Variants in NDFIP2 observed in about 807,000 individuals in gnomAD.
NDFIP2 encodes the protein NEDD4 family-interacting protein 2.
A neutral mutation model predicts 36.0 loss-of-function variants in NDFIP2; 19 were observed. That is an observed-to-expected ratio of 0.53 (90% CI 0.37 to 0.77). The LOEUF is 0.77. Among genes scored for constraint, NDFIP2 ranks in the 30% least tolerant of loss-of-function variants. The pLI, the probability that NDFIP2 is intolerant of heterozygous loss-of-function variation, is 0.00. For synonymous variants in NDFIP2, 181 were observed against 167.7 expected, an observed-to-expected ratio of 1.08 and a Z score of -0.61; for missense variants, 446 against 435.8, an observed-to-expected ratio of 1.02 and a Z score of -0.21.
At chr13:79,493,015 A>C (rs958291808) in intron 1 of NDFIP2, among the ~76,000 whole-genome samples, 1 of 151,840 alleles carries the variant, frequency 6.6e-6, no homozygotes, top group Non-Finnish European at 1.5e-5. Flanking sequence ...CTTTACTTTC[A>C]AGTTCTGCGT....
chr13:79,534,823 A>G (rs1286762838), intron 3 of NDFIP2, among the ~76,000 whole-genome samples: 2 of 152,196 alleles, frequency 1.3e-5, no homozygotes, highest in Admixed American at 1.3e-4. Context: ...CTGAGAGAAG[A>G]GCATGTGCCC....
At chr13:79,496,271 G>A (rs553209135) in intron 1 of NDFIP2, among the ~76,000 whole-genome samples, 2 of 151,966 alleles carry the variant, frequency 1.3e-5, no homozygotes, top group African/African-American at 4.8e-5. Flanking sequence ...ATCTGAAAAT[G>A]TCTTTATTTT....
intron 1 of NDFIP2, among the ~76,000 whole-genome samples, chr13:79,499,902 G>A (rs1355852713): frequency 1.3e-5 from 2 of 151,880 alleles, no homozygotes; most frequent in African/African-American, 4.8e-5. Context: ...CAGATTCAGT[G>A]TAGCCAACTC....
chr13:79,542,034 A>G (rs565174833), intron 4 of NDFIP2, among the ~76,000 whole-genome samples: 1 of 152,334 alleles, frequency 6.6e-6, no homozygotes, highest in East Asian at 1.9e-4. Context: ...TAATGTGCAT[A>G]TCTCTGATCT....
intron 1 of NDFIP2, among the ~76,000 whole-genome samples, chr13:79,507,125 G>A (rs1240433124): frequency 1.3e-5 from 2 of 151,910 alleles, no homozygotes; most frequent in African/African-American, 4.8e-5. Context: ...CTTTTTTAGG[G>A]CATATAATAT....
chr13:79,555,983 G>A lies in NDFIP2; in HGVS notation c.*3470G>A, dbSNP rs913776760. The stretch of plus-strand genomic sequence containing the variant: ...AACAACACTTGTGAAATTAGGTTGG[G>A]GTTGCAACATCTTTTAACTTCTCAG... On this transcript the variant is annotated 3_prime_UTR_variant, in exon 8 of 8. Transcript: ENST00000218652. The A allele has an allele frequency of 6.6e-6, 1 of 152,066 alleles. No homozygotes were observed. Among genetic ancestry groups the A allele is most frequent in the African/African-American group, 2.4e-5 (1 of 41,408 alleles). The allele number at this position is 152,066 out of a possible 1,614,324, so 9.4% of individuals were successfully genotyped here. A position where few individuals can be genotyped will look rare whatever the true frequency, so the allele number is the denominator to read the frequency against.
intron 1 of NDFIP2, among the ~76,000 whole-genome samples, chr13:79,488,047 A>C (rs748992308): frequency 8.5e-5 from 13 of 152,168 alleles, no homozygotes; most frequent in African/African-American, 1.2e-4. Flanking sequence ...GTGTCTTTCT[A>C]ACCTTCTAGA....
intron 5 of NDFIP2, among the ~76,000 whole-genome samples, chr13:79,545,935 C>T (rs993426735): frequency 2.0e-5 from 3 of 152,150 alleles, no homozygotes; most frequent in African/African-American, 7.2e-5. Flanking sequence ...AGGGTTTCAC[C>T]GCGTTGCCCA....
chr13:79,508,618 C>T lies in NDFIP2; in HGVS notation c.322-12192C>T, dbSNP rs1232250746. On this transcript the variant is annotated intron_variant, in intron 1 of 7. Coordinates refer to ENST00000218652, the MANE Select transcript of NDFIP2 (RefSeq NM_019080.3). ...GAGGACGACCAGAGGTCACTCTCTT[C>T]GCCATCTTGGTTTTGGTGGGGTTTA... Among the ~76,000 whole-genome samples, 6 of 152,160 alleles carry T rather than the reference C, an allele frequency of 3.9e-5. No homozygotes were observed. The East Asian group carries it at 5.8e-4, about 15-fold the overall frequency.
At chr13:79,544,654 G>A (rs188408010) in intron 5 of NDFIP2, among the ~76,000 whole-genome samples, 7 of 151,974 alleles carry the variant, frequency 4.6e-5, no homozygotes. Flanking sequence ...ATTTCTAATT[G>A]AATGAGCTAA....
At chr13:79,497,832 G>GTA (rs1873506571) in intron 1 of NDFIP2, among the ~76,000 whole-genome samples, 1 of 148,610 alleles carries the variant, frequency 6.7e-6, no homozygotes, top group Non-Finnish European at 1.5e-5. Context: ...GTGTGTGTAT[G>GTA]TGTGTACTTG....
chr13:79,492,022 A>G (rs939635990), intron 1 of NDFIP2, among the ~76,000 whole-genome samples: 8 of 152,202 alleles, frequency 5.3e-5, no homozygotes, highest in Non-Finnish European at 1.0e-4. Flanking sequence ...TTAAAAGTTC[A>G]GGAATGTGCT....
Position 79,481,325 on chromosome 13 carries a change from C to G in NDFIP2, c.122C>G (p.Ala41Gly). The change falls in exon 1 of 8, where the codon GCG becomes GGG. Residue 41 changes from alanine (A) to glycine (G), a missense_variant. Coordinates refer to ENST00000218652, the MANE Select transcript of NDFIP2 (RefSeq NM_019080.3). ...ATNAEVSAAA[A>G]GATGSEELPP... ...AACGCGGAGGTCTCGGCGGCCGCTG[C>G]GGGAGCCACAGGAAGTGAAGAGCTT... is the stretch of plus-strand genomic sequence containing the variant. The G allele has an allele frequency of 1.3e-6, 2 of 1,544,756 alleles. No homozygotes were observed. The highest frequency in any genetic ancestry group is 2.4e-5 in the South Asian group (2 of 84,048).
At chr13:79,534,350 GTTT>G (rs532659161) in intron 3 of NDFIP2, among the ~76,000 whole-genome samples, 3 of 95,406 alleles carry the variant, frequency 3.1e-5, no homozygotes, top group African/African-American at 1.2e-4. Context: ...TTTGTCAGCT[GTTT>G]TTTTTTTTTT....
At chr13:79,518,208 T>C (rs1874426021) in intron 1 of NDFIP2, among the ~76,000 whole-genome samples, 1 of 152,222 alleles carries the variant, frequency 6.6e-6, no homozygotes, top group Non-Finnish European at 1.5e-5. Context: ...TAGTGCCTAC[T>C]TGGAAAAGTG....
intron 2 of NDFIP2, among the ~76,000 whole-genome samples, chr13:79,528,081 C>T (rs969262225): frequency 1.3e-5 from 2 of 151,906 alleles, no homozygotes; most frequent in East Asian, 1.9e-4. Flanking sequence ...GGCAACTTGG[C>T]GAAACCCTCA....
intron 1 of NDFIP2, among the ~76,000 whole-genome samples, chr13:79,499,912 C>G (rs1395445002): frequency 6.6e-6 from 1 of 151,730 alleles, no homozygotes; most frequent in Non-Finnish European, 1.5e-5. Flanking sequence ...GTAGCCAACT[C>G]AATATTAAAG....
intron 3 of NDFIP2, among the ~76,000 whole-genome samples, chr13:79,537,271 T>C (rs1875278311): frequency 6.6e-6 from 1 of 151,808 alleles, no homozygotes; most frequent in African/African-American, 2.4e-5. Flanking sequence ...CCACATCTGG[T>C]TAATTTGTTT....
chr13:79,496,226 G>A (rs1873429566), intron 1 of NDFIP2, among the ~76,000 whole-genome samples: 1 of 151,896 alleles, frequency 6.6e-6, no homozygotes, highest in African/African-American at 2.4e-5. Context: ...TTAAAGTGCA[G>A]ATCAGCTGCT....
Sources: allele counts gnomAD v4.1 joint callset (sites outside exome capture counted in the v4.1 genomes callset), GRCh38; gene constraint gnomAD v4.1.1; transcripts MANE v1.5; gene names NCBI Gene and HGNC (gene_info 2026-07-23, HGNC 2026-07-21).